MYH10: variants seen among roughly 807,000 people sequenced by gnomAD.
MYH10 encodes myosin heavy chain 10, also known as myosin-10.
A neutral mutation model predicts 257.8 loss-of-function variants in MYH10; 55 were observed. The ratio of observed to expected loss-of-function variants is 0.21; its 90% CI spans 0.17 to 0.27. MYH10 has a LOEUF of 0.27. Among genes scored for constraint, MYH10 ranks in the 10% least tolerant of loss-of-function variants. The pLI is 1.00. For synonymous variants in MYH10, 854 were observed against 921.7 expected, an observed-to-expected ratio of 0.93 and a Z score of 1.33; for missense variants, 1,631 against 2,500.6, an observed-to-expected ratio of 0.65 and a Z score of 7.42.
intron 1 of MYH10, among the ~76,000 whole-genome samples, chr17:8,626,960 CAGT>C (rs2085706294): frequency 6.6e-6 from 1 of 152,160 alleles, no homozygotes; most frequent in Non-Finnish European, 1.5e-5. Context: ...GGTCTAGAAG[CAGT>C]AGATTATATA....
At chr17:8,625,613 G>T (rs984776359) in intron 1 of MYH10, among the ~76,000 whole-genome samples, 3 of 152,076 alleles carry the variant, frequency 2.0e-5, no homozygotes, top group African/African-American at 7.2e-5. Context: ...CCAAGTAGCT[G>T]GGATTACAGG....
intron 21 of MYH10, among the ~76,000 whole-genome samples, chr17:8,514,501 G>A (rs960577956): frequency 6.6e-6 from 1 of 151,864 alleles, no homozygotes; most frequent in Non-Finnish European, 1.5e-5. Context: ...GACCATACCT[G>A]GGCTTCCCAC....
At chr17:8,528,219 A>G (rs1201449403) in intron 17 of MYH10, among the ~76,000 whole-genome samples, 2 of 152,206 alleles carry the variant, frequency 1.3e-5, no homozygotes, top group Non-Finnish European at 2.9e-5. Context: ...AAAACGATAC[A>G]TAATTGTACC....
At chr17:8,629,634 A>G (rs553913268) in intron 1 of MYH10, among the ~76,000 whole-genome samples, 1 of 152,054 alleles carries the variant, frequency 6.6e-6, no homozygotes. Context: ...TTCCAGTCCG[A>G]TTTTATGGGA....
intron 35 of MYH10, among the ~76,000 whole-genome samples, chr17:8,488,631 G>A (rs570787036): frequency 6.6e-6 from 1 of 152,336 alleles, no homozygotes; most frequent in South Asian, 2.1e-4. Context: ...GATGGCTGGT[G>A]TGGGAGCTGG....
chr17:8,532,755 CA>C (rs1027928544), intron 16 of MYH10, among the ~76,000 whole-genome samples: 1 of 152,208 alleles, frequency 6.6e-6, no homozygotes, highest in African/African-American at 2.4e-5. Context: ...TCAACTGGAT[CA>C]CTAGCTCTTG....
intron 7 of MYH10, among the ~76,000 whole-genome samples, chr17:8,556,899 A>G (rs1478140523): frequency 6.6e-6 from 1 of 152,236 alleles, no homozygotes; most frequent in Admixed American, 6.5e-5. Flanking sequence ...GGATCTGTGA[A>G]GCATTCTATA....
chr17:8,537,175 C>A (rs2082165501), intron 14 of MYH10, among the ~76,000 whole-genome samples: 1 of 152,180 alleles, frequency 6.6e-6, no homozygotes, highest in Non-Finnish European at 1.5e-5. Context: ...CATTTATTGT[C>A]ACACTGCAAA....
intron 35 of MYH10, among the ~76,000 whole-genome samples, chr17:8,488,531 T>A (rs1279159329): frequency 6.6e-6 from 1 of 152,250 alleles, no homozygotes; most frequent in African/African-American, 2.4e-5. Context: ...AATAAATACC[T>A]GCACCCTATG....
chr17:8,546,800 T>C, intron 11 of MYH10, 138 bp from the exon 12 acceptor site: 8 of 607,666 alleles, frequency 1.3e-5, no homozygotes, highest in Non-Finnish European at 2.2e-5. Flanking sequence ...ATCAGACAAG[T>C]TTTAGGTCTA....
chr17:8,554,069 A>T, intron 7 of MYH10, 51 bp from the exon 8 acceptor site: 1 of 1,238,774 alleles, frequency 8.1e-7, no homozygotes. Flanking sequence ...TACATACTGG[A>T]TATGAACACT....
chr17:8,596,553 C>T (rs1195455292), intron 3 of MYH10, among the ~76,000 whole-genome samples: 2 of 151,348 alleles, frequency 1.3e-5, no homozygotes, highest in African/African-American at 2.4e-5. Flanking sequence ...TATCCAGTTT[C>T]GAAGTCCTTC....
At chr17:8,496,772 T>C (rs1446888982) in intron 30 of MYH10, among the ~76,000 whole-genome samples, 1 of 152,182 alleles carries the variant, frequency 6.6e-6, no homozygotes, top group African/African-American at 2.4e-5. Context: ...ATGTTGACCT[T>C]TGGCTGGTGT....
chr17:8,487,346 G>GC (rs1915010328), intron 36 of MYH10, 87 bp downstream of exon 36: 2 of 1,513,814 alleles, frequency 1.3e-6, no homozygotes, highest in African/African-American at 1.4e-5. Context: ...GCGGTGCTGT[G>GC]CCCCCCAGCT....
intron 4 of MYH10, 46 bp from the exon 5 acceptor site, chr17:8,577,384 C>A: frequency 8.6e-7 from 1 of 1,161,878 alleles, no homozygotes; most frequent in Non-Finnish European, 1.2e-6. Context: ...AAGCACAGCA[C>A]ATGCATTCCA....
At chr17:8,609,463 C>A (rs1471607180) in intron 2 of MYH10, among the ~76,000 whole-genome samples, 2 of 151,886 alleles carry the variant, frequency 1.3e-5, no homozygotes, top group Non-Finnish European at 2.9e-5. Context: ...GATCATCATT[C>A]AGAGGATTCA....
At chr17:8,499,622 TG>T in intron 29 of MYH10, 146 bp from the exon 30 acceptor site, 1 of 746,496 alleles carries the variant, frequency 1.3e-6, no homozygotes, top group East Asian at 2.7e-5. Flanking sequence ...AAATGTTTGC[TG>T]TTCTCTGAGT....
At chr17:8,481,498 G>T in intron 37 of MYH10, 88 bp from the exon 38 acceptor site, 1 of 1,164,858 alleles carries the variant, frequency 8.6e-7, no homozygotes, top group Non-Finnish European at 1.2e-6. Context: ...CAGCGACCTT[G>T]CTCCTGTCAC....
intron 17 of MYH10, among the ~76,000 whole-genome samples, chr17:8,526,055 T>C (rs1004003459): frequency 6.6e-6 from 1 of 152,234 alleles, no homozygotes; most frequent in African/African-American, 2.4e-5. Context: ...CCTCTCAAAG[T>C]GCTGGGATTA....
Sources: gnomAD v4.1 joint callset for allele counts (sites outside exome capture counted in the v4.1 genomes callset) on GRCh38, gnomAD v4.1.1 for gene constraint, MANE v1.5 for transcripts, NCBI Gene and HGNC (gene_info 2026-07-23, HGNC 2026-07-21) for gene names.